Variants in TRPM6 observed in about 807,000 individuals in gnomAD.
The protein encoded by TRPM6 is transient receptor potential cation channel subfamily M member 6, also known as channel kinase 2.
In TRPM6, 111 loss-of-function variants were observed where a neutral mutation model predicts 247.6. The ratio of observed to expected loss-of-function variants is 0.45; its 90% CI spans 0.38 to 0.52. TRPM6 has a LOEUF of 0.52. TRPM6 is among the 20% of genes least tolerant of loss of function. The pLI is 0.00. For synonymous variants in TRPM6, 892 were observed against 853.8 expected, an observed-to-expected ratio of 1.04 and a Z score of -0.78; for missense variants, 2,126 against 2,421.5, an observed-to-expected ratio of 0.88 and a Z score of 2.56.
At chr9:74,785,379 G>T (rs1827607235) in intron 21 of TRPM6, among the ~76,000 whole-genome samples, 1 of 152,142 alleles carries the variant, frequency 6.6e-6, no homozygotes, top group Admixed American at 6.5e-5. Context: ...TAAGTGAGTT[G>T]TTTGTAACAC....
In TRPM6 at chr9:74,747,920, T is replaced by A. The variant is rs764625490; in HGVS notation, c.5058-6A>T. 3.7e-6 allele frequency: 6 copies of A among 1,611,362 alleles called. No individual in the cohort carries two copies. The Admixed American group carries it at 1.0e-4, about 27-fold the overall frequency. On this transcript the variant is annotated splice_region_variant and splice_polypyrimidine_tract_variant and intron_variant, in intron 30 of 38. Coordinates refer to ENST00000360774, the MANE Select transcript of TRPM6 (RefSeq NM_017662.5). ...CTCCAATTGAACTTTTCAGCCTGTT[T>A]GAAAAAAAAATGAAGTTGTTTAGAT...
intron 17 of TRPM6, among the ~76,000 whole-genome samples, chr9:74,799,062 A>G (rs1180594834): frequency 2.6e-5 from 4 of 152,202 alleles, no homozygotes; most frequent in Non-Finnish European, 4.4e-5. Context: ...CTGATTCCTC[A>G]GTTCCAAGGG....
chr9:74,833,941 G>C (rs1378252263), intron 6 of TRPM6, 57 bp downstream of exon 6: 3 of 1,607,694 alleles, frequency 1.9e-6, no homozygotes, highest in Non-Finnish European at 2.6e-6. Flanking sequence ...ACAGTGTTAA[G>C]CTGGCAATTT....
At chr9:74,823,064 T>C (rs998863079) in intron 7 of TRPM6, among the ~76,000 whole-genome samples, 5 of 152,364 alleles carry the variant, frequency 3.3e-5, no homozygotes, top group African/African-American at 1.2e-4. Flanking sequence ...TATATTGATA[T>C]ACTACATTTA....
At position 74,880,258 on chromosome 9, in the gene TRPM6, C is replaced by A. The variant is rs554892220; in HGVS notation, c.33+7566G>T. 1.3e-3 allele frequency among the ~76,000 whole-genome samples: 196 copies of A among 152,102 alleles called. No individual in the cohort carries two copies. The Middle Eastern group carries it at 0.014, about 11-fold the overall frequency. On this transcript the variant is annotated intron_variant, in intron 1 of 38. Coordinates refer to ENST00000360774, the MANE Select transcript of TRPM6 (RefSeq NM_017662.5). ...GGTGCTCTGGAAGGTGAAGAGAAAACAAAAGGAACAGAAAACCTATTTAAT... is the reference window on the plus strand; with the variant it reads ...GGTGCTCTGGAAGGTGAAGAGAAAAAAAAAGGAACAGAAAACCTATTTAAT...
At chr9:74,855,790 A>G (rs571023194) in intron 2 of TRPM6, among the ~76,000 whole-genome samples, 1 of 152,312 alleles carries the variant, frequency 6.6e-6, no homozygotes, top group South Asian at 2.1e-4. Context: ...AAATACCTCA[A>G]TTTAAATCTC....
In TRPM6 at chr9:74,842,262, A is replaced by G. The variant is rs1001783285; in HGVS notation, c.234T>C (p.Ser78=). 6 of 1,614,112 alleles carry G rather than the reference A, an allele frequency of 3.7e-6. No individual in the cohort carries two copies. Among genetic ancestry groups the G allele is most frequent in the East Asian group, 2.2e-5 (1 of 44,886 alleles). The change falls in exon 4 of 39, where the codon AGT becomes AGC. Residue 78 remains serine, a synonymous_variant. Transcript: ENST00000360774. ...TGTGCTTTTCAACAGACCATTGTTC[A>G]CTTTCTTTACCCTTGGCAGCTGAGA... ...WTISAAKGKE[S]EQWSVEKHTT... is the part of the protein sequence containing the mutation.
At chr9:74,865,073 CAAA>C (rs36103454) in intron 1 of TRPM6, among the ~76,000 whole-genome samples, 6 of 123,108 alleles carry the variant, frequency 4.9e-5, no homozygotes, top group Non-Finnish European at 3.5e-5. Flanking sequence ...AATTCCCTCT[CAAA>C]AAAAAAAAAA....
intron 1 of TRPM6, chr9:74,887,394 G>A: frequency 1.4e-6 from 2 of 1,383,238 alleles, no homozygotes; most frequent in Non-Finnish European, 9.5e-7. Context: ...CTGTGCCCGT[G>A]GCAGCTCAAA....
chr9:74,886,410 G>C (rs763707354), intron 1 of TRPM6, among the ~76,000 whole-genome samples: 47 of 152,042 alleles, frequency 3.1e-4, no homozygotes, highest in Non-Finnish European at 5.3e-4. Flanking sequence ...TGAATAACTC[G>C]TTTCCCACTT....
At chr9:74,810,920 G>T (rs373891880) in intron 12 of TRPM6, 52 bp from the exon 13 acceptor site, 109 of 1,497,038 alleles carry the variant, frequency 7.3e-5, no homozygotes, top group Non-Finnish European at 9.7e-5. Context: ...CCATGTGCTG[G>T]GGGGTAAAAC....
intron 1 of TRPM6, among the ~76,000 whole-genome samples, chr9:74,867,475 A>C (rs796751727): frequency 7.2e-5 from 11 of 152,344 alleles, no homozygotes; most frequent in African/African-American, 2.6e-4. Flanking sequence ...TAGTCTGCAT[A>C]CCTCATCTTA....
intron 19 of TRPM6, among the ~76,000 whole-genome samples, chr9:74,791,618 TC>T (rs140247356): frequency 0.027 from 4,042 of 152,326 alleles, 178 homozygotes; most frequent in African/African-American, 0.089. Flanking sequence ...TAGTATTTGT[TC>T]ACACAGTTCA....
intron 1 of TRPM6, among the ~76,000 whole-genome samples, chr9:74,879,161 A>G (rs538251322): frequency 5.7e-4 from 86 of 152,004 alleles, no homozygotes; most frequent in Non-Finnish European, 1.1e-3. Context: ...TCTAGAATTA[A>G]AGAATTCTCT....
chr9:74,868,966 G>C (rs921256557), intron 1 of TRPM6, among the ~76,000 whole-genome samples: 1 of 152,142 alleles, frequency 6.6e-6, no homozygotes, highest in Non-Finnish European at 1.5e-5. Context: ...ACCTGAATTA[G>C]GGAAGGGAGA....
intron 30 of TRPM6, among the ~76,000 whole-genome samples, chr9:74,749,213 T>C (rs1362099684): frequency 6.6e-6 from 1 of 152,228 alleles, no homozygotes; most frequent in Non-Finnish European, 1.5e-5. Flanking sequence ...TCTCAGAATG[T>C]ATCCTGTCGT....
chr9:74,786,629 A>G (rs1281841121), intron 20 of TRPM6, among the ~76,000 whole-genome samples: 1 of 152,054 alleles, frequency 6.6e-6, no homozygotes, highest in Non-Finnish European at 1.5e-5. Flanking sequence ...AGTCCCAGCT[A>G]CTCGGGAGTC....
chr9:74,750,033 T>G (rs550255294), intron 30 of TRPM6, among the ~76,000 whole-genome samples: 2 of 152,200 alleles, frequency 1.3e-5, no homozygotes, highest in African/African-American at 4.8e-5. Flanking sequence ...AGAATTATCT[T>G]TGCTTGGTTG....
chr9:74,884,443 C>T (rs962949761), intron 1 of TRPM6, among the ~76,000 whole-genome samples: 24 of 150,718 alleles, frequency 1.6e-4, no homozygotes, highest in African/African-American at 5.1e-4. Context: ...GAGCTGAGAT[C>T]GTGCCACTGC....
Sources: allele counts gnomAD v4.1 joint callset (sites outside exome capture counted in the v4.1 genomes callset), GRCh38; gene constraint gnomAD v4.1.1; transcripts MANE v1.5; gene names NCBI Gene and HGNC (gene_info 2026-07-23, HGNC 2026-07-21).